The following FOXK2 variants were observed in gnomAD, a reference collection of about 807,000 sequenced individuals.
The protein encoded by FOXK2 is forkhead box protein K2.
In FOXK2, 24 loss-of-function variants were observed where a neutral mutation model predicts 53.3. The observed-to-expected ratio is 0.45, with a 90% CI of 0.33 to 0.63. The LOEUF (loss-of-function observed/expected upper bound fraction) is 0.63. Among genes scored for constraint, FOXK2 ranks in the 30% least tolerant of loss-of-function variants. The probability of loss-of-function intolerance (pLI) is 0.03; values close to 1 mark genes in which losing one functional copy is unlikely to be tolerated. For synonymous variants in FOXK2, 505 were observed against 407.1 expected, an observed-to-expected ratio of 1.24 and a Z score of -2.89; for missense variants, 952 against 910.5, an observed-to-expected ratio of 1.05 and a Z score of -0.59.
At position 82,586,216 on chromosome 17, in the gene FOXK2, A is replaced by T. The variant is rs112363853; in HGVS notation, c.1576+16A>T. 2,098 of 1,268,882 alleles carry T rather than the reference A, an allele frequency of 1.7e-3. 53 individuals are homozygous for T. The African/African-American group carries it at 0.028, about 17-fold the overall frequency. The allele number at this position is 1,268,882 out of a possible 1,614,324, so 78.6% of individuals were successfully genotyped here. A position where few individuals can be genotyped will look rare whatever the true frequency, so the allele number is the denominator to read the frequency against. On this transcript the variant is annotated intron_variant, in intron 7 of 8. Transcript: ENST00000335255. ...GAAGTCAAAGGTAGGCGGAGGGGAA[A>T]GGAGGAGAGGGGAGACCACAGGGAG...
chr17:82,527,324 G>A (rs1235572419), intron 1 of FOXK2, among the ~76,000 whole-genome samples: 2 of 151,988 alleles, frequency 1.3e-5, no homozygotes, highest in African/African-American at 4.8e-5. Context: ...ATTTTTGGTA[G>A]AGATAGCTTT....
chr17:82,577,814 T>C (rs2045007703), intron 4 of FOXK2, among the ~76,000 whole-genome samples: 1 of 152,162 alleles, frequency 6.6e-6, no homozygotes, highest in Non-Finnish European at 1.5e-5. Flanking sequence ...CTCAGCTCAC[T>C]GCAACCTTTG....
intron 8 of FOXK2, among the ~76,000 whole-genome samples, chr17:82,591,742 G>A (rs752662892): frequency 7.9e-5 from 12 of 152,190 alleles, no homozygotes; most frequent in Non-Finnish European, 1.3e-4. Context: ...CACCCTCAGA[G>A]CTCGCTTTGG....
chr17:82,574,921 T>A (rs2044965566), intron 4 of FOXK2, among the ~76,000 whole-genome samples: 2 of 152,248 alleles, frequency 1.3e-5, no homozygotes, highest in Admixed American at 1.3e-4. Flanking sequence ...TCCTATGATT[T>A]GATTTTTTCA....
At chr17:82,556,173 C>T (rs1428349033) in intron 1 of FOXK2, among the ~76,000 whole-genome samples, 5 of 152,034 alleles carry the variant, frequency 3.3e-5, no homozygotes, top group East Asian at 3.9e-4. Context: ...TGGCCGGGCA[C>T]GGTGGCTCAC....
chr17:82,554,274 G>A (rs1488436117), intron 1 of FOXK2, among the ~76,000 whole-genome samples: 2 of 152,128 alleles, frequency 1.3e-5, no homozygotes, highest in African/African-American at 4.8e-5. Context: ...ATTTCTGTGG[G>A]GCTGTATGAT....
intron 5 of FOXK2, 35 bp downstream of exon 5, chr17:82,582,969 T>G: frequency 6.8e-7 from 1 of 1,468,958 alleles, no homozygotes; most frequent in Non-Finnish European, 9.1e-7. Flanking sequence ...CCTCACTTCG[T>G]GCTTACTAAA....
At chr17:82,528,801 G>C (rs889441487) in intron 1 of FOXK2, among the ~76,000 whole-genome samples, 2 of 152,248 alleles carry the variant, frequency 1.3e-5, no homozygotes, top group African/African-American at 4.8e-5. Flanking sequence ...GAATTCCGTA[G>C]ATTTCTAGAC....
At chr17:82,546,800 G>A (rs1360808204) in intron 1 of FOXK2, among the ~76,000 whole-genome samples, 2 of 152,014 alleles carry the variant, frequency 1.3e-5, no homozygotes, top group African/African-American at 4.8e-5. Context: ...ACTCAGGCCG[G>A]GTGCGGTGGC....
chr17:82,529,170 A>C (rs2044446866), intron 1 of FOXK2, among the ~76,000 whole-genome samples: 1 of 151,758 alleles, frequency 6.6e-6, no homozygotes, highest in Non-Finnish European at 1.5e-5. Context: ...TTCCTGCTTA[A>C]AACCTTTATG....
In FOXK2 at chr17:82,585,993, C is replaced by T. The variant is rs778807620; in HGVS notation, c.1369C>T (p.Pro457Ser). The T allele has an allele frequency of 9.9e-6, 16 of 1,612,642 alleles. No individual in the cohort carries two copies. Among genetic ancestry groups the T allele is most frequent in the South Asian group, 2.2e-5 (2 of 91,090 alleles). Residue 457 changes from proline to serine, a missense_variant, in exon 7 of 9, where the codon CCA becomes TCA. By Grantham distance (74) the Pro-to-Ser change is moderately conservative. Transcript: ENST00000335255. ...IKPVTYTVATPVTTSTSQPPV... is the reference protein window; with the variant it reads ...IKPVTYTVATSVTTSTSQPPV... ...GCCTGTCACCTACACTGTGGCCACC[C>T]CAGTGACCACCTCGACCTCCCAGCC...
intron 1 of FOXK2, among the ~76,000 whole-genome samples, chr17:82,522,914 C>G (rs903213556): frequency 2.0e-5 from 3 of 152,118 alleles, no homozygotes; most frequent in African/African-American, 7.2e-5. Flanking sequence ...TGTGCCTCAG[C>G]CTCCTGAGTA....
At chr17:82,587,567 A>G (rs1343950374) in intron 8 of FOXK2, 1 of 432,760 alleles carries the variant, frequency 2.3e-6, no homozygotes, top group Non-Finnish European at 4.3e-6. Context: ...GCGGCCTGAA[A>G]CGGCGGGAGC....
rs116361073 is a variant in FOXK2, at chr17:82,549,212, G to A, written c.420-14142G>A. On this transcript the variant is annotated intron_variant, in intron 1 of 8. Coordinates refer to ENST00000335255, the MANE Select transcript of FOXK2 (RefSeq NM_004514.4). ...CCGAGTGTGAGGATCTTAAGTGTGA[G>A]GGTGTGTGCTCCTGAGCCAGCCTTT... 4.7e-3 allele frequency among the ~76,000 whole-genome samples: 720 copies of A among 152,284 alleles called. 8 individuals carry two copies. The highest frequency in any genetic ancestry group is 0.016 in the African/African-American group (669 of 41,572).
At position 82,603,887 on chromosome 17, in the gene FOXK2, C is replaced by G. The variant is rs1051848; in HGVS notation, c.*2388C>G. ...GAATTTAAGAATATCGAAGCGAGAG[C>G]AGTAACAAACCATAGATGAGCAGAC... On this transcript the variant is annotated 3_prime_UTR_variant, in exon 9 of 9. Transcript: ENST00000335255. 6.6e-6 allele frequency: 1 copy of G among 152,118 alleles called. No individual in the cohort carries two copies. Among genetic ancestry groups the G allele is most frequent in the Non-Finnish European group, 1.5e-5 (1 of 68,036 alleles). 9.4% of individuals were successfully genotyped at this position (152,118 alleles called of 1,614,324 possible). A position where few individuals can be genotyped will look rare whatever the true frequency, so the allele number is the denominator to read the frequency against.
chr17:82,585,851 T>C, intron 6 of FOXK2, 53 bp from the exon 7 acceptor site: 1 of 1,561,384 alleles, frequency 6.4e-7, no homozygotes, highest in Non-Finnish European at 8.7e-7. Context: ...TGAGAACCTT[T>C]GTTTGTAGAA....
At chr17:82,591,018 G>A (rs547010530) in intron 8 of FOXK2, among the ~76,000 whole-genome samples, 7 of 152,216 alleles carry the variant, frequency 4.6e-5, no homozygotes, top group Non-Finnish European at 8.8e-5. Context: ...TGTGGGACCC[G>A]GGGCTCAGGG....
At chr17:82,570,833 A>G (rs1195183819) in intron 3 of FOXK2, among the ~76,000 whole-genome samples, 2 of 152,122 alleles carry the variant, frequency 1.3e-5, no homozygotes, top group African/African-American at 2.4e-5. Flanking sequence ...AGTTGTCACT[A>G]TGACAGGGAG....
At chr17:82,600,999 G>A (rs1028936416) in intron 8 of FOXK2, 1 of 322,754 alleles carries the variant, frequency 3.1e-6, no homozygotes, top group Non-Finnish European at 5.9e-6. Flanking sequence ...CCTATTTATA[G>A]GACATAACAA....
Sources: gnomAD v4.1 joint callset for allele counts (sites outside exome capture counted in the v4.1 genomes callset) on GRCh38, gnomAD v4.1.1 for gene constraint, MANE v1.5 for transcripts, NCBI Gene and HGNC (gene_info 2026-07-23, HGNC 2026-07-21) for gene names.